Variants in CYS1 observed in about 807,000 individuals in gnomAD.
CYS1 encodes cystin-1.
A neutral mutation model predicts 9.6 loss-of-function variants in CYS1; 5 were observed. That is an observed-to-expected ratio of 0.52 (90% CI 0.27 to 1.10). CYS1 has a LOEUF of 1.10. Among genes scored for constraint, CYS1 ranks in the 50% least tolerant of loss-of-function variants. The pLI is 0.11. For missense variants in CYS1, 221 were observed against 207.9 expected (o/e 1.06, Z -0.39); for synonymous variants, 88 against 95.7 (o/e 0.92, Z 0.47).
At chr2:10,078,105 CAAAAA>C (rs35316392) in intron 1 of CYS1, among the ~76,000 whole-genome samples, 1 of 135,680 alleles carries the variant, frequency 7.4e-6, no homozygotes, top group African/African-American at 2.7e-5. Flanking sequence ...AACTCCGTTT[CAAAAA>C]AAAAAAAAAG....
intron 2 of CYS1, among the ~76,000 whole-genome samples, chr2:10,062,510 C>T (rs1433710830): frequency 6.6e-6 from 1 of 152,102 alleles, no homozygotes; most frequent in African/African-American, 2.4e-5. Context: ...AAGGGATTCT[C>T]CTGTCTCAGC....
chr2:10,066,430 C>T (rs1189153451), intron 1 of CYS1, among the ~76,000 whole-genome samples: 4 of 152,176 alleles, frequency 2.6e-5, no homozygotes, highest in African/African-American at 9.7e-5. Flanking sequence ...ACCACGCGAC[C>T]CCGACCCCAC....
chr2:10,058,051 GCTGGCT>G lies in CYS1; in HGVS notation c.*796_*801del, dbSNP rs1661575505. On this transcript the variant is annotated 3_prime_UTR_variant, in exon 3 of 3. Transcript: ENST00000381813. ...GACCCTCTCCCGGTTGGACCTGGGC[GCTGGCT>G]CCCCGCAGGGAAGGCACTGCTGTGC... 1.3e-5 allele frequency: 2 copies of G among 152,288 alleles called. No individual in the cohort carries two copies. Among genetic ancestry groups the G allele is most frequent in the African/African-American group, 4.8e-5 (2 of 41,458 alleles). The allele number at this position is 152,288 out of a possible 1,614,324, so 9.4% of individuals were successfully genotyped here. A position where few individuals can be genotyped will look rare whatever the true frequency, so the allele number is the denominator to read the frequency against.
In CYS1 at chr2:10,058,838, T is replaced by G. The variant is rs1482385760; in HGVS notation, c.*15A>C. 4 of 1,545,796 alleles carry G rather than the reference T, an allele frequency of 2.6e-6. No homozygotes were observed. In the South Asian group the frequency reaches 4.7e-5, roughly 18 times the overall value. ...AGGTGCCTCCGAGGCCTGGCGGGGG[T>G]GGAGCATGCTGTCCTCAGCGGCAGT... On this transcript the variant is annotated 3_prime_UTR_variant, in exon 3 of 3. Coordinates refer to ENST00000381813, the MANE Select transcript of CYS1 (RefSeq NM_001037160.3).
intron 1 of CYS1, among the ~76,000 whole-genome samples, chr2:10,072,147 G>A (rs1355840991): frequency 2.0e-5 from 3 of 151,988 alleles, no homozygotes; most frequent in African/African-American, 7.3e-5. Context: ...GCAATGGTGG[G>A]ATCTCAGCTC....
chr2:10,074,102 T>G (rs935479471), intron 1 of CYS1, among the ~76,000 whole-genome samples: 1 of 151,934 alleles, frequency 6.6e-6, no homozygotes, highest in East Asian at 1.9e-4. Context: ...TCCCCACCCA[T>G]CCACACGCTC....
rs1196796079 is a variant in CYS1, at chr2:10,056,519, T to G, written c.*2334A>C. Among the ~76,000 whole-genome samples, 1 of 152,252 alleles carries G rather than the reference T, an allele frequency of 6.6e-6. No individual in the cohort carries two copies. The highest frequency in any genetic ancestry group is 1.5e-5 in the Non-Finnish European group (1 of 68,044). On this transcript the variant is annotated 3_prime_UTR_variant, in exon 3 of 3. Transcript: ENST00000381813. ...TCCAGACAACAACGTGCGTCATTTT[T>G]GCCTTTGAGATGTGTTTCTTTCTGC...
In CYS1 at chr2:10,076,543, G is replaced by C. The variant is rs1428108936; in HGVS notation, c.318+3363C>G. Among the ~76,000 whole-genome samples, 1 of 152,102 alleles carries C rather than the reference G, an allele frequency of 6.6e-6. No individual in the cohort carries two copies. Among genetic ancestry groups the C allele is most frequent in the East Asian group, 1.9e-4 (1 of 5,182 alleles). On this transcript the variant is annotated intron_variant, in intron 1 of 2. Transcript: ENST00000381813. This position sits in a 1 kb window ranked among gnomAD's most constrained non-coding sequence, Gnocchi z 4.3. ...GCTCAATTCAACCACCAGCTCTCAG[G>C]CTTCCCGCATATATCCCACCAAGCA...
chr2:10,059,220 G>A (rs1160281678), intron 2 of CYS1, among the ~76,000 whole-genome samples: 3 of 152,290 alleles, frequency 2.0e-5, no homozygotes, highest in African/African-American at 4.8e-5. Context: ...GGGCTCTGGG[G>A]TGGGAAGACC....
At chr2:10,071,813 C>G (rs932132551) in intron 1 of CYS1, among the ~76,000 whole-genome samples, 3 of 152,146 alleles carry the variant, frequency 2.0e-5, no homozygotes, top group African/African-American at 7.2e-5. Context: ...GACACCTGGA[C>G]GGACGTGGGG....
chr2:10,060,259 G>A (rs930565820), intron 2 of CYS1, among the ~76,000 whole-genome samples: 20 of 152,244 alleles, frequency 1.3e-4, no homozygotes, highest in Admixed American at 1.0e-3. Flanking sequence ...CCACTTGCCA[G>A]ACATTAGGGC....
chr2:10,057,573 T>A lies in CYS1; in HGVS notation c.*1280A>T, dbSNP rs899748764. The A allele has an allele frequency of 2.0e-5, 3 of 152,420 alleles. No individual in the cohort carries two copies. Among genetic ancestry groups the A allele is most frequent in the Non-Finnish European group, 4.4e-5 (3 of 68,160 alleles). The allele number at this position is 152,420 out of a possible 1,614,324, so 9.4% of individuals were successfully genotyped here. ...CTCCGTGTGGGCGGGTCAAGCCAGA[T>A]AACCAGGCTTGTACTGGCTTCAGCA... On this transcript the variant is annotated 3_prime_UTR_variant, in exon 3 of 3. Transcript: ENST00000381813.
At chr2:10,077,263 C>G (rs1285669535) in intron 1 of CYS1, among the ~76,000 whole-genome samples, 7 of 152,168 alleles carry the variant, frequency 4.6e-5, no homozygotes, top group Non-Finnish European at 7.3e-5. Flanking sequence ...CTCACTCCCC[C>G]TTTCTTCACT....
intron 1 of CYS1, among the ~76,000 whole-genome samples, chr2:10,066,586 T>C (rs1661700006): frequency 1.3e-5 from 2 of 152,272 alleles, no homozygotes; most frequent in Non-Finnish European, 2.9e-5. Flanking sequence ...AGAACCACCC[T>C]GTCTCATTCC....
intron 2 of CYS1, among the ~76,000 whole-genome samples, chr2:10,060,328 G>C (rs1033858094): frequency 1.3e-5 from 2 of 152,230 alleles, no homozygotes; most frequent in Admixed American, 6.5e-5. Context: ...GGCTGGGCTG[G>C]ATGGACTTAA....
rs1661552566 is a variant in CYS1, at chr2:10,056,667, A to C, written c.*2186T>G. ...AGATGCCTGAGGAGGTGCCAGGCAC[A>C]CAGGAGGCACTGGGACAGACTCGGG... is the stretch of plus-strand genomic sequence containing the variant. On this transcript the variant is annotated 3_prime_UTR_variant, in exon 3 of 3. Transcript: ENST00000381813. The C allele has an allele frequency of 6.6e-6, 1 of 152,310 alleles. No homozygotes were observed. The highest frequency in any genetic ancestry group is 1.9e-4 in the East Asian group (1 of 5,204). 9.4% of individuals were successfully genotyped at this position (152,310 alleles called of 1,614,324 possible). A position where few individuals can be genotyped will look rare whatever the true frequency, so the allele number is the denominator to read the frequency against.
intron 2 of CYS1, among the ~76,000 whole-genome samples, chr2:10,062,011 T>G (rs1661635292): frequency 1.3e-5 from 2 of 151,948 alleles, no homozygotes; most frequent in Non-Finnish European, 2.9e-5. Context: ...CCTAAAGTCA[T>G]GCTTTTTTTT....
rs950015342 is a variant in CYS1 at position 10,057,201 on chromosome 2, G to A, written c.*1652C>T. 1 of 152,246 alleles carries A rather than the reference G, an allele frequency of 6.6e-6. No individual in the cohort carries two copies. Among genetic ancestry groups the A allele is most frequent in the Admixed American group, 6.5e-5 (1 of 15,290 alleles). The allele number at this position is 152,246 out of a possible 1,614,324, so 9.4% of individuals were successfully genotyped here. A position where few individuals can be genotyped will look rare whatever the true frequency, so the allele number is the denominator to read the frequency against. On this transcript the variant is annotated 3_prime_UTR_variant, in exon 3 of 3. Coordinates refer to ENST00000381813, the MANE Select transcript of CYS1 (RefSeq NM_001037160.3). ...GAAATGTTAACTTATTTTAAAAGAT[G>A]TATTTGCATTATTAAAATATAGTAA...
chr2:10,071,883 T>C (rs561793761), intron 1 of CYS1, among the ~76,000 whole-genome samples: 1 of 152,274 alleles, frequency 6.6e-6, no homozygotes, highest in Non-Finnish European at 1.5e-5. Flanking sequence ...CCAGTGTGTG[T>C]GTGCGCCCTG....
Sources: gnomAD v4.1 joint callset for allele counts (sites outside exome capture counted in the v4.1 genomes callset) on GRCh38, gnomAD v4.1.1 for gene constraint, Gnocchi (gnomAD v3.1) non-coding constraint, MANE v1.5 for transcripts, NCBI Gene and HGNC (gene_info 2026-07-23, HGNC 2026-07-21) for gene names.